TYR: variants seen among roughly 807,000 people sequenced by gnomAD.
TYR encodes tyrosinase.
TYR carries 58 observed loss-of-function variants against 51.5 expected under a neutral mutation model. That is an observed-to-expected ratio of 1.13 (90% CI 0.91 to 1.40). The LOEUF is 1.40. Ranked by LOEUF, TYR falls within the 40% of genes most tolerant of loss-of-function variation. The pLI, the probability that TYR is intolerant of heterozygous loss-of-function variation, is 0.00. For missense variants in TYR, 732 were observed against 647.4 expected (o/e 1.13, Z -1.42); for synonymous variants, 263 against 235.2 (o/e 1.12, Z -1.08).
intron 3 of TYR, among the ~76,000 whole-genome samples, chr11:89,264,025 T>C (rs1456149197): frequency 6.6e-6 from 1 of 152,024 alleles, no homozygotes; most frequent in African/African-American, 2.4e-5. Flanking sequence ...GTAGTAGATT[T>C]TCTTGAATAA....
In TYR at chr11:89,269,366, T is replaced by A. The variant is rs118063761; in HGVS notation, c.1185-15407T>A. ...GTGGCCAGTGTGGCCTGGCTCATTT[T>A]ATTTGAGTGCAATTTCTGCCTAATG... On this transcript the variant is annotated intron_variant, in intron 3 of 4. Coordinates refer to ENST00000263321, the MANE Select transcript of TYR (RefSeq NM_000372.5). 1.7e-3 allele frequency among the ~76,000 whole-genome samples: 266 copies of A among 152,072 alleles called. 7 individuals carry two copies. In the East Asian group the frequency reaches 0.045, roughly 26 times the overall value.
chr11:89,192,895 T>C (rs565550634), intron 2 of TYR, among the ~76,000 whole-genome samples: 10 of 152,300 alleles, frequency 6.6e-5, no homozygotes, highest in African/African-American at 1.9e-4. Flanking sequence ...TTGATTCCCA[T>C]TGAAAAGTGG....
intron 3 of TYR, among the ~76,000 whole-genome samples, chr11:89,258,871 G>C (rs1189954188): frequency 6.6e-6 from 1 of 151,952 alleles, no homozygotes; most frequent in African/African-American, 2.4e-5. Context: ...AGCAGAGTGG[G>C]GAGCAGCCAG....
chr11:89,288,330 T>C (rs765639628), intron 4 of TYR, among the ~76,000 whole-genome samples: 17 of 151,978 alleles, frequency 1.1e-4, no homozygotes, highest in Non-Finnish European at 2.4e-4. Flanking sequence ...AAGTGTCAAA[T>C]ACTGAATCCA....
rs902134634 is a variant in TYR, at chr11:89,295,076, A to T, written c.1367-67A>T. The T allele has an allele frequency of 1.1e-5, 17 of 1,592,044 alleles. No individual in the cohort carries two copies. In the Admixed American group the frequency reaches 3.0e-4, roughly 28 times the overall value. On this transcript the variant is annotated intron_variant, in intron 4 of 4. Transcript: ENST00000263321. Reference sequence around the variant, plus strand: ...GTCTACTCCAAAGGACTGTGAAAGGATGAAGATGATGGTGATCGTAACAAT... The same window carrying T: ...GTCTACTCCAAAGGACTGTGAAAGGTTGAAGATGATGGTGATCGTAACAAT...
At chr11:89,212,311 C>T (rs1375681710) in intron 2 of TYR, among the ~76,000 whole-genome samples, 3 of 152,182 alleles carry the variant, frequency 2.0e-5, no homozygotes, top group Non-Finnish European at 4.4e-5. Flanking sequence ...ATAAACACCT[C>T]TATGCAAATA....
At chr11:89,240,610 T>A (rs1480031991) in intron 3 of TYR, among the ~76,000 whole-genome samples, 1 of 152,154 alleles carries the variant, frequency 6.6e-6, no homozygotes, top group Non-Finnish European at 1.5e-5. Flanking sequence ...TTTAATTCAG[T>A]CATTTGTTCA....
intron 3 of TYR, among the ~76,000 whole-genome samples, chr11:89,261,407 A>C (rs1332308317): frequency 6.6e-6 from 1 of 152,162 alleles, no homozygotes; most frequent in Non-Finnish European, 1.5e-5. Context: ...GAGAGCTTGA[A>C]TAGGTATACT....
In TYR at chr11:89,264,194, C is replaced by A. The variant is rs1425158746; in HGVS notation, c.1185-20579C>A. On this transcript the variant is annotated intron_variant, in intron 3 of 4. Coordinates refer to ENST00000263321, the MANE Select transcript of TYR (RefSeq NM_000372.5). ...CAATCCAGAGGTGGAAATGCAGAAA[C>A]CCTTTTTAAAAAAAAATTCCTACAC... Among the ~76,000 whole-genome samples the A allele has an allele frequency of 2.0e-5, 3 of 151,910 alleles. No individual in the cohort carries two copies. The East Asian group carries it at 5.8e-4, about 29-fold the overall frequency.
chr11:89,229,705 T>C (rs1944021524), intron 3 of TYR, among the ~76,000 whole-genome samples: 1 of 152,002 alleles, frequency 6.6e-6, no homozygotes, highest in African/African-American at 2.4e-5. Context: ...ACTTGCAAGA[T>C]ACAAATGCAA....
chr11:89,287,163 G>C (rs899653779), intron 4 of TYR, among the ~76,000 whole-genome samples: 3 of 151,688 alleles, frequency 2.0e-5, no homozygotes, highest in African/African-American at 7.3e-5. Flanking sequence ...CCCAAGATCA[G>C]AATTTATCTT....
At chr11:89,204,363 T>G (rs1360479212) in intron 2 of TYR, among the ~76,000 whole-genome samples, 1 of 151,878 alleles carries the variant, frequency 6.6e-6, no homozygotes, top group Non-Finnish European at 1.5e-5. Flanking sequence ...TCCCTTCTGC[T>G]GGAGCTGAGT....
chr11:89,209,985 G>A (rs77990809), intron 2 of TYR, among the ~76,000 whole-genome samples: 3,826 of 152,200 alleles, frequency 0.025, 172 homozygotes, highest in African/African-American at 0.088. Context: ...AAAGACCAAA[G>A]GTAGATAAAA....
intron 4 of TYR, among the ~76,000 whole-genome samples, chr11:89,285,967 G>A (rs959359011): frequency 5.9e-5 from 9 of 151,702 alleles, no homozygotes; most frequent in African/African-American, 9.7e-5. Context: ...TAAAATAAAC[G>A]AATGAAACTC....
Position 89,275,943 on chromosome 11 carries a change from T to C in TYR, c.1185-8830T>C, listed in dbSNP as rs532126977. 3.3e-5 allele frequency among the ~76,000 whole-genome samples: 5 copies of C among 152,020 alleles called. No individual in the cohort carries two copies. The South Asian group carries it at 1.0e-3, about 32-fold the overall frequency. Reference sequence around the variant, plus strand: ...GAACTTAAAATATGTAGGAGACAACTTTCAGCTAAAGTTGATTTAACAATA... The same window carrying C: ...GAACTTAAAATATGTAGGAGACAACCTTCAGCTAAAGTTGATTTAACAATA... On this transcript the variant is annotated intron_variant, in intron 3 of 4. Transcript: ENST00000263321.
At position 89,197,471 on chromosome 11, in the gene TYR, A is replaced by G. The variant is rs142781440; in HGVS notation, c.1036+6053A>G. ...CATAAAAACCCAATGTTTAAAAACCATAACATTCTTATCTTCAAAAGTATG... is the reference window on the plus strand; with the variant it reads ...CATAAAAACCCAATGTTTAAAAACCGTAACATTCTTATCTTCAAAAGTATG... On this transcript the variant is annotated intron_variant, in intron 2 of 4. Coordinates refer to ENST00000263321, the MANE Select transcript of TYR (RefSeq NM_000372.5). Among the ~76,000 whole-genome samples the G allele has an allele frequency of 3.2e-3, 494 of 152,326 alleles. 3 individuals are homozygous for G. The highest frequency in any genetic ancestry group is 0.011 in the African/African-American group (473 of 41,578).
At chr11:89,231,096 G>A (rs1383945260) in intron 3 of TYR, among the ~76,000 whole-genome samples, 2 of 150,648 alleles carry the variant, frequency 1.3e-5, no homozygotes, top group African/African-American at 2.4e-5. Context: ...GTTTTAACTT[G>A]GGAGGTAGAG....
At chr11:89,216,266 T>C (rs1386653690) in intron 2 of TYR, among the ~76,000 whole-genome samples, 1 of 152,168 alleles carries the variant, frequency 6.6e-6, no homozygotes, top group Non-Finnish European at 1.5e-5. Context: ...GTAAGAAATA[T>C]GACTTGTATG....
chr11:89,284,686 T>C, intron 3 of TYR, 87 bp from the exon 4 acceptor site: 1 of 1,178,506 alleles, frequency 8.5e-7, no homozygotes, highest in Non-Finnish European at 1.2e-6. Flanking sequence ...CAGATTTTAA[T>C]ATATGCCTTA....
Sources: allele counts gnomAD v4.1 joint callset (sites outside exome capture counted in the v4.1 genomes callset), GRCh38; gene constraint gnomAD v4.1.1; transcripts MANE v1.5; gene names NCBI Gene and HGNC (gene_info 2026-07-23, HGNC 2026-07-21).